Variants in ERC2 observed in about 807,000 individuals in gnomAD.
The protein encoded by ERC2 is ERC protein 2.
ERC2 carries 42 observed loss-of-function variants against 114.8 expected under a neutral mutation model. The observed-to-expected ratio is 0.37, with a 90% CI of 0.29 to 0.47. The LOEUF (loss-of-function observed/expected upper bound fraction) is 0.47, where lower values mean the gene tolerates loss of function less well. Among genes scored for constraint, ERC2 ranks in the 20% least tolerant of loss-of-function variants. The pLI is 0.99. For missense variants in ERC2, 939 were observed against 1,150.7 expected (o/e 0.82, Z 2.66); for synonymous variants, 454 against 425.5 (o/e 1.07, Z -0.82).
At chr3:55,964,667 TG>T (rs2068621422) in intron 12 of ERC2, among the ~76,000 whole-genome samples, 1 of 152,206 alleles carries the variant, frequency 6.6e-6, no homozygotes, top group Non-Finnish European at 1.5e-5. Flanking sequence ...ACAGCTTCTG[TG>T]GGTCAGAAGT....
intron 17 of ERC2, among the ~76,000 whole-genome samples, chr3:55,580,771 C>G (rs987678432): frequency 6.6e-6 from 1 of 152,142 alleles, no homozygotes; most frequent in Non-Finnish European, 1.5e-5. Context: ...GTGCCAATAA[C>G]TTTTCTGGGC....
chr3:55,676,077 C>T (rs949600782), intron 17 of ERC2, among the ~76,000 whole-genome samples: 3 of 151,720 alleles, frequency 2.0e-5, no homozygotes, highest in Non-Finnish European at 4.4e-5. Context: ...TGTGCCACTA[C>T]GCCCAACTAA....
At chr3:56,031,522 T>G (rs1286629541) in intron 7 of ERC2, among the ~76,000 whole-genome samples, 1 of 152,254 alleles carries the variant, frequency 6.6e-6, no homozygotes, top group Non-Finnish European at 1.5e-5. Context: ...GAAGCCAGTC[T>G]GTAAAGACTA....
At chr3:55,702,351 G>T (rs548322777) in intron 15 of ERC2, among the ~76,000 whole-genome samples, 5 of 152,290 alleles carry the variant, frequency 3.3e-5, no homozygotes, top group Admixed American at 1.3e-4. Flanking sequence ...GAAGAGAAGA[G>T]TGTGAAACAG....
At chr3:56,113,346 GTTT>G (rs139945507) in intron 6 of ERC2, among the ~76,000 whole-genome samples, 356 of 152,272 alleles carry the variant, frequency 2.3e-3, no homozygotes, top group Middle Eastern at 0.02. Context: ...TTTTAATGGA[GTTT>G]CAGAGCAGAA....
At position 55,990,085 on chromosome 3, in the gene ERC2, GA is replaced by G. The variant is rs2070938395; in HGVS notation, c.2255+1971del. Among the ~76,000 whole-genome samples, 6 of 152,174 alleles carry G rather than the reference GA, an allele frequency of 3.9e-5. No homozygotes were observed. In the South Asian group the frequency reaches 1.2e-3, roughly 32 times the overall value. On this transcript the variant is annotated intron_variant, in intron 11 of 17. Coordinates refer to ENST00000288221, the MANE Select transcript of ERC2 (RefSeq NM_015576.3). ...TGTGATCTCATGTCAGTTTTTCTAA[GA>G]AAAATTTTGGTTCTAAAATGTAGTT...
intron 14 of ERC2, among the ~76,000 whole-genome samples, chr3:55,841,868 A>G (rs915456738): frequency 6.6e-6 from 1 of 152,154 alleles, no homozygotes; most frequent in African/African-American, 2.4e-5. Context: ...TCAGAGCCCA[A>G]CCTCTTAATT....
At chr3:56,189,162 G>A (rs1038990438) in intron 3 of ERC2, among the ~76,000 whole-genome samples, 8 of 152,166 alleles carry the variant, frequency 5.3e-5, no homozygotes, top group African/African-American at 7.2e-5. Context: ...CCAAAGATCC[G>A]TCAAGCTTTT....
In ERC2 at chr3:56,204,896, G is replaced by GT. The variant is rs5849135; in HGVS notation, c.1075-31377dup. Among the ~76,000 whole-genome samples the GT allele has an allele frequency of 4.1e-3, 613 of 149,692 alleles. 1 individual carries two copies. Among genetic ancestry groups the GT allele is most frequent in the Non-Finnish European group, 5.5e-3 (371 of 67,480 alleles). On this transcript the variant is annotated intron_variant, in intron 3 of 17. Transcript: ENST00000288221. ...ACAGCCACTTACACTCAGAAAAAAAGTTTTTTTTTTAACCATGGGACGTGT... is the reference window on the plus strand; with the variant it reads ...ACAGCCACTTACACTCAGAAAAAAAGTTTTTTTTTTTAACCATGGGACGTGT...
intron 2 of ERC2, among the ~76,000 whole-genome samples, chr3:56,404,544 A>T (rs937102099): frequency 1.6e-4 from 24 of 152,344 alleles, no homozygotes; most frequent in African/African-American, 5.8e-4. Flanking sequence ...AGTCAATAAT[A>T]ATTGTACATT....
intron 1 of ERC2, among the ~76,000 whole-genome samples, chr3:56,461,182 G>A (rs1210439809): frequency 6.6e-6 from 1 of 152,158 alleles, no homozygotes; most frequent in African/African-American, 2.4e-5. Context: ...ACAAAGTAAG[G>A]ACAAGCTGGC....
intron 2 of ERC2, among the ~76,000 whole-genome samples, chr3:56,378,574 A>T (rs1212171920): frequency 3.2e-4 from 45 of 139,120 alleles, no homozygotes; most frequent in Non-Finnish European, 1.5e-4. Flanking sequence ...AGTATAATAA[A>T]AAAAAAAAAA....
intron 17 of ERC2, among the ~76,000 whole-genome samples, chr3:55,589,678 C>T (rs1330140720): frequency 6.6e-6 from 1 of 152,020 alleles, no homozygotes; most frequent in Non-Finnish European, 1.5e-5. Flanking sequence ...TGGACAGAGG[C>T]ATGGGAGGGG....
chr3:55,553,053 A>G (rs958477918), intron 17 of ERC2, among the ~76,000 whole-genome samples: 1 of 72,390 alleles, frequency 1.4e-5, no homozygotes, highest in Admixed American at 1.9e-4. Context: ...ATGGAGTCTC[A>G]TTCTGTCACC....
At chr3:55,784,125 A>C (rs967409558) in intron 14 of ERC2, among the ~76,000 whole-genome samples, 2 of 152,092 alleles carry the variant, frequency 1.3e-5, no homozygotes, top group Non-Finnish European at 2.9e-5. Context: ...CTCACAGTTT[A>C]CTTATGTAAA....
At chr3:55,659,163 C>T (rs1405116163) in intron 17 of ERC2, 3 of 152,210 alleles carry the variant, frequency 2.0e-5, no homozygotes, top group South Asian at 2.1e-4. Flanking sequence ...GCGTTACCTG[C>T]TCTGAAATCC....
At chr3:55,813,192 A>G (rs753628249) in intron 14 of ERC2, among the ~76,000 whole-genome samples, 12 of 152,204 alleles carry the variant, frequency 7.9e-5, no homozygotes, top group Non-Finnish European at 1.6e-4. Flanking sequence ...ACTGCTATAC[A>G]AACCTTCTCA....
intron 15 of ERC2, among the ~76,000 whole-genome samples, chr3:55,720,703 A>G (rs1248802375): frequency 6.6e-6 from 1 of 152,096 alleles, no homozygotes; most frequent in African/African-American, 2.4e-5. Flanking sequence ...GAACACTGCC[A>G]CTCAAGTTCT....
At chr3:56,344,508 C>T (rs1440022005) in intron 2 of ERC2, among the ~76,000 whole-genome samples, 4 of 152,168 alleles carry the variant, frequency 2.6e-5, no homozygotes, top group South Asian at 2.1e-4. Context: ...GTTCCTCACC[C>T]GCCACACCAA....
Sources: gnomAD v4.1 joint callset for allele counts (sites outside exome capture counted in the v4.1 genomes callset) on GRCh38, gnomAD v4.1.1 for gene constraint, MANE v1.5 for transcripts, NCBI Gene and HGNC (gene_info 2026-07-23, HGNC 2026-07-21) for gene names.